Variants in PPP3CC observed in about 807,000 individuals in gnomAD.
PPP3CC encodes the protein serine/threonine-protein phosphatase 2B catalytic subunit gamma isoform.
In PPP3CC, 35 loss-of-function variants were observed where a neutral mutation model predicts 60.3. That is an observed-to-expected ratio of 0.58 (90% CI 0.44 to 0.77). The LOEUF (loss-of-function observed/expected upper bound fraction) is 0.77, where lower values mean the gene tolerates loss of function less well. Among genes scored for constraint, PPP3CC ranks in the 30% least tolerant of loss-of-function variants. The pLI, the probability that PPP3CC is intolerant of heterozygous loss-of-function variation, is 0.00. For missense variants in PPP3CC, 570 were observed against 628.9 expected (o/e 0.91, Z 1.00); for synonymous variants, 206 against 224.3 (o/e 0.92, Z 0.73).
At chr8:22,463,254 A>G (rs1586798190) in intron 1 of PPP3CC, among the ~76,000 whole-genome samples, 1 of 152,240 alleles carries the variant, frequency 6.6e-6, no homozygotes, top group East Asian at 1.9e-4. Context: ...TATTCATTTT[A>G]TCTTCTGCTT....
chr8:22,483,452 A>G (rs1838130478), intron 3 of PPP3CC, among the ~76,000 whole-genome samples: 1 of 152,010 alleles, frequency 6.6e-6, no homozygotes, highest in African/African-American at 2.4e-5. Context: ...ACGCCCGGCT[A>G]ATTTTTTGTA....
rs371206673 is a variant in PPP3CC at position 22,500,025 on chromosome 8, A to G, written c.484+1913A>G. ...TGCTCATAGAAGTTGCTTAGTAAAT[A>G]TTGGTTGAGTTCATTTGAATGAATG... On this transcript the variant is annotated intron_variant, in intron 4 of 13. Transcript: ENST00000240139. Among the ~76,000 whole-genome samples, 17 of 152,304 alleles carry G rather than the reference A, an allele frequency of 1.1e-4. 1 individual carries two copies. The highest frequency in any genetic ancestry group is 3.9e-4 in the African/African-American group (16 of 41,558).
intron 3 of PPP3CC, among the ~76,000 whole-genome samples, chr8:22,477,062 A>G (rs1837910866): frequency 1.3e-5 from 2 of 152,200 alleles, no homozygotes; most frequent in South Asian, 2.1e-4. Flanking sequence ...TGCTCCGTAA[A>G]TGTCCAAGGT....
At chr8:22,464,471 C>T (rs1358950308) in intron 1 of PPP3CC, among the ~76,000 whole-genome samples, 1 of 152,154 alleles carries the variant, frequency 6.6e-6, no homozygotes, top group East Asian at 1.9e-4. Context: ...CCTCAATCTC[C>T]TGGGCTCAAG....
At chr8:22,505,316 T>C (rs1162518168) in intron 4 of PPP3CC, among the ~76,000 whole-genome samples, 2 of 152,146 alleles carry the variant, frequency 1.3e-5, no homozygotes, top group African/African-American at 4.8e-5. Flanking sequence ...TGAGCCACCA[T>C]GCCCGGCCCT....
chr8:22,478,260 C>A (rs768559807), intron 3 of PPP3CC, among the ~76,000 whole-genome samples: 11 of 151,368 alleles, frequency 7.3e-5, no homozygotes, highest in Non-Finnish European at 1.6e-4. Flanking sequence ...TTAAGCAGTT[C>A]TCTGCCTCTG....
intron 3 of PPP3CC, among the ~76,000 whole-genome samples, chr8:22,490,903 G>A (rs1037573834): frequency 2.0e-5 from 3 of 152,004 alleles, no homozygotes; most frequent in Admixed American, 6.6e-5. Context: ...GAATAGTGCC[G>A]CAATAAACAT....
intron 12 of PPP3CC, among the ~76,000 whole-genome samples, chr8:22,538,325 C>A (rs1469737343): frequency 6.6e-6 from 1 of 152,218 alleles, no homozygotes; most frequent in African/African-American, 2.4e-5. Flanking sequence ...TGTGAGAAGG[C>A]ACTGTAGCTT....
Position 22,510,175 on chromosome 8 carries a change from T to C in PPP3CC, c.485-911T>C, listed in dbSNP as rs1236728329. Reference sequence around the variant, plus strand: ...TCCAGCCTGGGGGACAGAGCAAGACTCCGTCTCAAAAAAAAAAAAAAAAAA... The same window carrying C: ...TCCAGCCTGGGGGACAGAGCAAGACCCCGTCTCAAAAAAAAAAAAAAAAAA... On this transcript the variant is annotated intron_variant, in intron 4 of 13. Transcript: ENST00000240139. Among the ~76,000 whole-genome samples, 4 of 99,882 alleles carry C rather than the reference T, an allele frequency of 4.0e-5. No individual in the cohort carries two copies. The Admixed American group carries it at 4.1e-4, about 10-fold the overall frequency. The allele number at this position is 99,882 out of a possible 152,430, so 65.5% of individuals were successfully genotyped here. A position where few individuals can be genotyped will look rare whatever the true frequency, so the allele number is the denominator to read the frequency against.
chr8:22,475,692 AG>A lies in PPP3CC; in HGVS notation c.372+69del, dbSNP rs1837867946. On this transcript the variant is annotated intron_variant, in intron 3 of 13. Transcript: ENST00000240139. The stretch of plus-strand genomic sequence containing the variant: ...TCAAAAAAGATGATTTCCATTCTTC[AG>A]TAGAAGAAATTAAAATGAGAACTCT... 3 of 1,410,106 alleles carry A rather than the reference AG, an allele frequency of 2.1e-6. No homozygotes were observed. The East Asian group carries it at 7.4e-5, about 35-fold the overall frequency. The allele number at this position is 1,410,106 out of a possible 1,614,324, so 87.3% of individuals were successfully genotyped here. A position where few individuals can be genotyped will look rare whatever the true frequency, so the allele number is the denominator to read the frequency against.
intron 1 of PPP3CC, among the ~76,000 whole-genome samples, chr8:22,445,465 G>C (rs1836793901): frequency 6.6e-6 from 1 of 152,136 alleles, no homozygotes; most frequent in African/African-American, 2.4e-5. Context: ...TTCCTTCCCA[G>C]CAGAAATAAC....
intron 4 of PPP3CC, among the ~76,000 whole-genome samples, chr8:22,501,745 T>C (rs1159224182): frequency 6.6e-6 from 1 of 152,166 alleles, no homozygotes; most frequent in Non-Finnish European, 1.5e-5. Flanking sequence ...GCATGGTGGC[T>C]CATGCCTGTA....
intron 12 of PPP3CC, among the ~76,000 whole-genome samples, chr8:22,536,292 G>A (rs995535320): frequency 2.6e-5 from 4 of 152,110 alleles, no homozygotes; most frequent in African/African-American, 9.7e-5. Flanking sequence ...GAGATATTCC[G>A]AGAGCAACTC....
chr8:22,532,863 T>C, intron 11 of PPP3CC, 58 bp from the exon 12 acceptor site: 2 of 1,204,204 alleles, frequency 1.7e-6, no homozygotes, highest in Non-Finnish European at 2.3e-6. Context: ...TCAATATCTT[T>C]AAGTTGCTGA....
intron 1 of PPP3CC, among the ~76,000 whole-genome samples, chr8:22,468,410 T>C (rs1341510478): frequency 1.3e-5 from 2 of 152,232 alleles, no homozygotes; most frequent in African/African-American, 2.4e-5. Context: ...TGGCCAGAAG[T>C]TGCTAGTCAT....
At chr8:22,459,410 A>C (rs1837300867) in intron 1 of PPP3CC, among the ~76,000 whole-genome samples, 4 of 152,222 alleles carry the variant, frequency 2.6e-5, no homozygotes, top group Admixed American at 2.0e-4. Context: ...ATTAGAGTAG[A>C]TTCATGGTTC....
At chr8:22,449,781 G>T (rs1020523122) in intron 1 of PPP3CC, among the ~76,000 whole-genome samples, 1 of 151,582 alleles carries the variant, frequency 6.6e-6, no homozygotes, top group African/African-American at 2.4e-5. Flanking sequence ...AAAAGAAGAG[G>T]GATAGTTGAA....
intron 6 of PPP3CC, among the ~76,000 whole-genome samples, chr8:22,514,142 G>A (rs1839171719): frequency 1.3e-5 from 2 of 151,210 alleles, no homozygotes; most frequent in Admixed American, 6.6e-5. Context: ...AGCTAATTGG[G>A]AGACTTCAGG....
chr8:22,506,799 G>A (rs940423887), intron 4 of PPP3CC, among the ~76,000 whole-genome samples: 35 of 151,880 alleles, frequency 2.3e-4, no homozygotes, highest in Non-Finnish European at 3.4e-4. Context: ...AAAATTAGCC[G>A]GGTGTGGTGG....
Sources: gnomAD v4.1 joint callset for allele counts (sites outside exome capture counted in the v4.1 genomes callset) on GRCh38, gnomAD v4.1.1 for gene constraint, MANE v1.5 for transcripts, NCBI Gene and HGNC (gene_info 2026-07-23, HGNC 2026-07-21) for gene names.